The following RRAGB variants were observed in gnomAD, a reference collection of about 807,000 sequenced individuals.
RRAGB encodes Ras related GTP binding B, also known as ras-related GTP-binding protein B.
RRAGB carries 6 observed loss-of-function variants against 29.3 expected under a neutral mutation model. That is an observed-to-expected ratio of 0.21 (90% CI 0.11 to 0.40). The LOEUF is 0.40. Among genes scored for constraint, RRAGB ranks in the 10% least tolerant of loss-of-function variants. The pLI, the probability that RRAGB is intolerant of heterozygous loss-of-function variation, is 1.00. For synonymous variants in RRAGB, 101 were observed against 92.5 expected (o/e 1.09, Z -0.53); for missense variants, 184 against 272.9 (o/e 0.67, Z 2.29).
chrX:55,741,603 G>T (rs1218526621), intron 5 of RRAGB, among the ~76,000 whole-genome samples: 2 of 111,473 alleles, frequency 1.8e-5, no homozygotes, highest in Non-Finnish European at 3.8e-5. Context: ...GTATCTTAGG[G>T]TTCTCCAGGG....
chrX:55,720,881 AAAAAT>A (rs1439630859), intron 2 of RRAGB, among the ~76,000 whole-genome samples: 19 of 111,613 alleles, frequency 1.7e-4, no homozygotes, highest in Non-Finnish European at 2.3e-4. Context: ...TGGTCTCAAA[AAAAAT>A]AAAATAAAAA....
chrX:55,724,667 G>A (rs983801049), intron 3 of RRAGB, among the ~76,000 whole-genome samples: 6 of 111,031 alleles, frequency 5.4e-5, no homozygotes, highest in Non-Finnish European at 1.1e-4. Flanking sequence ...AAATATCTGG[G>A]CCTAATTACC....
At chrX:55,746,392 A>G (rs1013539671) in intron 5 of RRAGB, among the ~76,000 whole-genome samples, 1 of 111,239 alleles carries the variant, frequency 9.0e-6, no homozygotes, top group South Asian at 3.9e-4. Flanking sequence ...TTATGGTACT[A>G]TGACCACCTT....
chrX:55,741,636 G>A (rs1447274146), intron 5 of RRAGB, among the ~76,000 whole-genome samples: 2 of 111,592 alleles, frequency 1.8e-5, no homozygotes, highest in African/African-American at 3.3e-5. Flanking sequence ...CTAATCATGT[G>A]TGTGTGTATG....
chrX:55,754,420 G>A (rs1431134544), intron 7 of RRAGB, among the ~76,000 whole-genome samples: 1 of 112,971 alleles, frequency 8.9e-6, no homozygotes, highest in Non-Finnish European at 1.9e-5. Context: ...AAACTAAGGT[G>A]TCACAACACA....
At chrX:55,720,449 G>T (rs2033224796) in intron 2 of RRAGB, among the ~76,000 whole-genome samples, 1 of 112,141 alleles carries the variant, frequency 8.9e-6, no homozygotes, top group Admixed American at 9.4e-5. Context: ...TCAAGTCTGA[G>T]TGTAGTATAT....
chrX:55,719,366 G>A lies in RRAGB; in HGVS notation c.126+19G>A, dbSNP rs752633873. 5.3e-6 allele frequency: 6 copies of A among 1,141,013 alleles called. No homozygotes were observed. Among genetic ancestry groups the A allele is most frequent in the South Asian group, 4.1e-5 (2 of 48,328 alleles). The allele number at this position is 1,141,013 out of a possible 1,213,427, so 94.0% of individuals were successfully genotyped here. On this transcript the variant is annotated intron_variant, in intron 2 of 9. Coordinates refer to ENST00000374941, the MANE Select transcript of RRAGB (RefSeq NM_006064.5). Reference sequence around the variant, plus strand: ...GAAAAAGGTAAGACGTGTTAGATACGTCAAAACCATGAAGGTAAAGGTAAG... The same window carrying A: ...GAAAAAGGTAAGACGTGTTAGATACATCAAAACCATGAAGGTAAAGGTAAG...
chrX:55,753,590 C>T (rs1450043075), intron 7 of RRAGB, 76 bp downstream of exon 7: 41 of 973,149 alleles, frequency 4.2e-5, no homozygotes, highest in Non-Finnish European at 5.3e-5. Flanking sequence ...CAGCATGTCA[C>T]TACTTTCAGG....
In RRAGB at chrX:55,731,342, A is replaced by G. The variant is rs373734141; in HGVS notation, c.294-22A>G. On this transcript the variant is annotated intron_variant, in intron 4 of 9. Transcript: ENST00000374941. ...TGATTGAATTGAGGATTTGCTTACTATATATATATTTTTTCTATCAGGCAA... is the reference window on the plus strand; with the variant it reads ...TGATTGAATTGAGGATTTGCTTACTGTATATATATTTTTTCTATCAGGCAA... 79 of 1,088,589 alleles carry G rather than the reference A, an allele frequency of 7.3e-5. No homozygotes were observed. The African/African-American group carries it at 1.3e-3, about 18-fold the overall frequency. 89.7% of individuals were successfully genotyped at this position (1,088,589 alleles called of 1,213,427 possible). A position where few individuals can be genotyped will look rare whatever the true frequency, so the allele number is the denominator to read the frequency against.
At chrX:55,723,914 A>G (rs4826283) in intron 3 of RRAGB, among the ~76,000 whole-genome samples, 57,541 of 110,797 alleles carry the variant, frequency 0.52, 12,925 homozygotes, top group East Asian at 0.74. Context: ...TCTTCCATCT[A>G]TTTCTCATTT....
intron 6 of RRAGB, 57 bp downstream of exon 6, chrX:55,751,253 G>A: frequency 3.2e-6 from 2 of 630,419 alleles, no homozygotes; most frequent in Non-Finnish European, 4.9e-6. Context: ...AACCTAGAAG[G>A]ATATTAACAA....
chrX:55,743,979 C>A (rs1202683472), intron 5 of RRAGB, among the ~76,000 whole-genome samples: 1 of 111,420 alleles, frequency 9.0e-6, no homozygotes, highest in Non-Finnish European at 1.9e-5. Context: ...TTGTCCACTT[C>A]CAGATGGCAC....
intron 5 of RRAGB, among the ~76,000 whole-genome samples, chrX:55,741,631 CAT>C (rs1053321095): frequency 1.7e-4 from 19 of 111,583 alleles, no homozygotes; most frequent in South Asian, 3.8e-4. Flanking sequence ...ACTAACTAAT[CAT>C]GTGTGTGTGT....
At chrX:55,734,726 A>C (rs1234987931) in intron 5 of RRAGB, among the ~76,000 whole-genome samples, 1 of 110,721 alleles carries the variant, frequency 9.0e-6, no homozygotes, top group Non-Finnish European at 1.9e-5. Context: ...TTAGGTTGTA[A>C]ATTTGTGATC....
rs1179560118 is a variant in RRAGB at position 55,751,141 on chromosome X, G to A, written c.557G>A (p.Arg186His). The change falls in exon 6 of 10, where the codon CGC becomes CAC. Residue 186 changes from arginine to histidine, a missense_variant. Physicochemically the swap from Arg to His is conservative, Grantham distance 29. Transcript: ENST00000374941. ...GAAGAAGATTTGAGGCGTTTGTCTC[G>A]CCCATTGGAATGTTCTTGTTTCCGA... ...EREEDLRRLS[R>H]PLECSCFRTS... is the part of the protein sequence containing the mutation. 7 of 1,198,967 alleles carry A rather than the reference G, an allele frequency of 5.8e-6. No homozygotes were observed. Among genetic ancestry groups the A allele is most frequent in the East Asian group, 5.9e-5 (2 of 33,680 alleles).
chrX:55,745,055 C>A (rs1265073002), intron 5 of RRAGB, among the ~76,000 whole-genome samples: 2 of 111,892 alleles, frequency 1.8e-5, no homozygotes, highest in African/African-American at 6.5e-5. Flanking sequence ...CCACTGCACC[C>A]CTCAAAACTT....
chrX:55,739,476 T>C (rs2033977168), intron 5 of RRAGB, among the ~76,000 whole-genome samples: 1 of 111,997 alleles, frequency 8.9e-6, no homozygotes, highest in African/African-American at 3.2e-5. Context: ...ATACCGCTCT[T>C]TTTCATATAC....
At chrX:55,753,104 A>G (rs1477067698) in intron 6 of RRAGB, among the ~76,000 whole-genome samples, 1 of 112,453 alleles carries the variant, frequency 8.9e-6, no homozygotes, top group Non-Finnish European at 1.9e-5. Flanking sequence ...CTAAGGCAAC[A>G]TGATGGCATT....
In RRAGB at chrX:55,722,873, A is replaced by T. The variant is rs750768611; in HGVS notation, c.226+588A>T. Among the ~76,000 whole-genome samples the T allele has an allele frequency of 5.8e-4, 65 of 111,134 alleles. 1 individual carries two copies. Among genetic ancestry groups the T allele is most frequent in the African/African-American group, 2.1e-3 (64 of 30,553 alleles). ...GGCTGCCATGGACAGTGAATGTAGG[A>T]TCCTGGGAGAGCCCTTCTGTCTCTG... is the stretch of plus-strand genomic sequence containing the variant. On this transcript the variant is annotated intron_variant, in intron 3 of 9. Transcript: ENST00000374941.
Sources: gnomAD v4.1 joint callset for allele counts (sites outside exome capture counted in the v4.1 genomes callset) on GRCh38, gnomAD v4.1.1 for gene constraint, MANE v1.5 for transcripts, NCBI Gene and HGNC (gene_info 2026-07-23, HGNC 2026-07-21) for gene names.